Variants in MGAT5 observed in about 807,000 individuals in gnomAD.
MGAT5 encodes the protein alpha-1,6-mannosylglycoprotein 6-beta-N-acetylglucosaminyltransferase A.
A neutral mutation model predicts 94.3 loss-of-function variants in MGAT5; 30 were observed. The observed-to-expected ratio is 0.32, with a 90% confidence interval of 0.24 to 0.43. MGAT5 has a LOEUF of 0.43. Ranked by LOEUF, MGAT5 falls within the 20% of genes least tolerant of loss-of-function variation. The pLI, the probability that MGAT5 is intolerant of heterozygous loss-of-function variation, is 1.00. For synonymous variants in MGAT5, 310 were observed against 322.9 expected, an observed-to-expected ratio of 0.96 and a Z score of 0.43; for missense variants, 691 against 905.5, an observed-to-expected ratio of 0.76 and a Z score of 3.04.
rs527500629 is a variant in MGAT5, at chr2:134,254,427, G to T, written c.24G>T (p.Lys8Asn). MALFTPW[K>N]LSSQKLGFFL... ...CAATGGCTCTCTTCACTCCGTGGAA[G>T]TTGTCCTCTCAGAAGCTGGGCTTTT... The change falls in exon 1 of 16, where the codon AAG (lysine) becomes AAT (asparagine). Residue 8 changes from lysine (K) to asparagine (N), a missense_variant. By Grantham distance (94) the Lys-to-Asn change is moderately conservative (BLOSUM62 0). Coordinates refer to ENST00000281923, the MANE Select transcript of MGAT5 (RefSeq NM_002410.5). 2 of 1,614,242 alleles carry T rather than the reference G, an allele frequency of 1.2e-6. No individual in the cohort carries two copies. The highest frequency in any genetic ancestry group is 1.7e-6 in the Non-Finnish European group (2 of 1,180,028).
intron 4 of MGAT5, among the ~76,000 whole-genome samples, chr2:134,326,437 T>A (rs1216359137): frequency 6.6e-6 from 1 of 152,092 alleles, no homozygotes; most frequent in Non-Finnish European, 1.5e-5. Flanking sequence ...AATAGTTTTC[T>A]TGTTCTGTGG....
intron 1 of MGAT5, among the ~76,000 whole-genome samples, chr2:134,236,333 A>G (rs948229726): frequency 6.6e-6 from 1 of 152,180 alleles, no homozygotes; most frequent in Non-Finnish European, 1.5e-5. Flanking sequence ...AGTTTAGGCC[A>G]CAGGATCTCC....
At chr2:134,313,835 C>T (rs1018300914) in intron 2 of MGAT5, among the ~76,000 whole-genome samples, 2 of 152,142 alleles carry the variant, frequency 1.3e-5, no homozygotes, top group Non-Finnish European at 2.9e-5. Flanking sequence ...AGGCTATAAG[C>T]ATAGTACCCA....
chr2:134,452,931 C>T lies in MGAT5; in HGVS notation c.*4084C>T, dbSNP rs1686179496. The T allele has an allele frequency of 6.6e-6, 1 of 152,110 alleles. No individual in the cohort carries two copies. Among genetic ancestry groups the T allele is most frequent in the Admixed American group, 6.5e-5 (1 of 15,282 alleles). The allele number at this position is 152,110 out of a possible 1,614,324, so 9.4% of individuals were successfully genotyped here. The stretch of plus-strand genomic sequence containing the variant: ...GGTGAGTTCCTGTGATTCTTGTTCG[C>T]TTCAACAAAAAGTGGGAGACCAAGT... On this transcript the variant is annotated 3_prime_UTR_variant, in exon 16 of 16. Coordinates refer to ENST00000281923, the MANE Select transcript of MGAT5 (RefSeq NM_002410.5).
chr2:134,295,106 C>A (rs1685597394), intron 2 of MGAT5, among the ~76,000 whole-genome samples: 2 of 152,278 alleles, frequency 1.3e-5, no homozygotes, highest in Admixed American at 6.5e-5. Context: ...AGTGCTATTT[C>A]TTTATTGCAC....
intron 12 of MGAT5, among the ~76,000 whole-genome samples, chr2:134,419,298 G>T (rs72980078): frequency 2.6e-4 from 39 of 152,192 alleles, no homozygotes; most frequent in Admixed American, 1.3e-3. Flanking sequence ...GAAAAGTTCC[G>T]CAAGGCCTTA....
At chr2:134,344,769 A>G (rs953355560) in intron 7 of MGAT5, among the ~76,000 whole-genome samples, 161 bp from the exon 8 acceptor site, 29 of 152,140 alleles carry the variant, frequency 1.9e-4, no homozygotes, top group Admixed American at 1.8e-3. Context: ...GCCTTAATGG[A>G]TGGAAATAAT....
At chr2:134,244,352 C>T (rs1214599952) in intron 1 of MGAT5, among the ~76,000 whole-genome samples, 1 of 151,522 alleles carries the variant, frequency 6.6e-6, no homozygotes, top group African/African-American at 2.4e-5. Context: ...CAGATTTGGT[C>T]TTGCTCAAAG....
At chr2:134,374,442 T>C (rs781605089) in intron 10 of MGAT5, among the ~76,000 whole-genome samples, 4 of 152,112 alleles carry the variant, frequency 2.6e-5, no homozygotes, top group Non-Finnish European at 5.9e-5. Context: ...AAAACACAGA[T>C]TGGGAGCAGA....
intron 10 of MGAT5, among the ~76,000 whole-genome samples, chr2:134,369,073 T>C (rs1471146483): frequency 2.6e-5 from 4 of 152,182 alleles, no homozygotes; most frequent in African/African-American, 7.2e-5. Flanking sequence ...ATATGCTCTG[T>C]GAGAGTAGGA....
intron 1 of MGAT5, among the ~76,000 whole-genome samples, chr2:134,141,430 G>T (rs1686651370): frequency 1.5e-5 from 2 of 136,314 alleles, no homozygotes; most frequent in African/African-American, 5.4e-5. Context: ...AGGCTCTTGG[G>T]ACATTTTTGT....
At chr2:134,374,668 C>T (rs1681046814) in intron 10 of MGAT5, among the ~76,000 whole-genome samples, 3 of 152,172 alleles carry the variant, frequency 2.0e-5, no homozygotes, top group South Asian at 4.1e-4. Context: ...GTGCAGCCCT[C>T]AGTACTGAAC....
intron 1 of MGAT5, among the ~76,000 whole-genome samples, chr2:134,201,816 CTTTT>C (rs554227745): frequency 2.9e-5 from 2 of 67,860 alleles, no homozygotes; most frequent in Admixed American, 1.5e-4. Flanking sequence ...CCAAGCGCTG[CTTTT>C]TTTTTTTTTT....
At chr2:134,378,012 C>G (rs1392440948) in intron 10 of MGAT5, among the ~76,000 whole-genome samples, 1 of 152,138 alleles carries the variant, frequency 6.6e-6, no homozygotes, top group East Asian at 1.9e-4. Context: ...ACGTTGTTTC[C>G]TGGCCTTGGC....
In MGAT5 at chr2:134,422,894, C is replaced by T; in HGVS notation, c.1769C>T (p.Ala590Val). Residue 590 changes from alanine (A) to valine (V), a missense_variant, in exon 13 of 16, where the codon GCA (alanine) becomes GTA (valine). Ala to Val is a moderately conservative substitution (Grantham distance 64). Coordinates refer to ENST00000281923, the MANE Select transcript of MGAT5 (RefSeq NM_002410.5). ...AACAATCAGGAGGAAGTAGAGGATG[C>T]AGTGAAAGCAATTTTAAATCAGAAG... ...DLNNQEEVED[A>V]VKAILNQKIE... 6.2e-7 allele frequency: 1 copy of T among 1,613,330 alleles called. No individual in the cohort carries two copies. The highest frequency in any genetic ancestry group is 8.5e-7 in the Non-Finnish European group (1 of 1,179,346).
At chr2:134,381,378 T>TAAGATA (rs756562496) in intron 10 of MGAT5, among the ~76,000 whole-genome samples, 2 of 71,588 alleles carry the variant, frequency 2.8e-5, no homozygotes, top group South Asian at 1.0e-3. Flanking sequence ...TAAGATAAGA[T>TAAGATA]AGATTAGATA....
Position 134,449,196 on chromosome 2 carries a change from G to A in MGAT5, c.*349G>A. 1 of 192,226 alleles carries A rather than the reference G, an allele frequency of 5.2e-6. No individual in the cohort carries two copies. Among genetic ancestry groups the A allele is most frequent in the South Asian group, 6.9e-5 (1 of 14,438 alleles). 11.9% of individuals were successfully genotyped at this position (192,226 alleles called of 1,614,324 possible). Reference sequence around the variant, plus strand: ...AAAACAGGAGGAATTGAGCTGATGGGAAAGAACTCTGAATGGGAATATTCC... The same window carrying A: ...AAAACAGGAGGAATTGAGCTGATGGAAAAGAACTCTGAATGGGAATATTCC... On this transcript the variant is annotated 3_prime_UTR_variant, in exon 16 of 16. Coordinates refer to ENST00000281923, the MANE Select transcript of MGAT5 (RefSeq NM_002410.5).
intron 6 of MGAT5, among the ~76,000 whole-genome samples, chr2:134,340,060 A>G (rs1011534825): frequency 1.3e-5 from 2 of 152,154 alleles, no homozygotes; most frequent in African/African-American, 4.8e-5. Flanking sequence ...AATGGATGGT[A>G]GGATTGGTGA....
intron 1 of MGAT5, among the ~76,000 whole-genome samples, chr2:134,198,614 C>A (rs1679614750): frequency 1.3e-5 from 2 of 152,102 alleles, no homozygotes; most frequent in Admixed American, 1.3e-4. Flanking sequence ...GCAGCTGCCC[C>A]CAAACCTGCC....
Sources: allele counts gnomAD v4.1 joint callset (sites outside exome capture counted in the v4.1 genomes callset), GRCh38; gene constraint gnomAD v4.1.1; transcripts MANE v1.5; gene names NCBI Gene and HGNC (gene_info 2026-07-23, HGNC 2026-07-21).